The following IAPP variants were observed in gnomAD, a reference collection of about 807,000 sequenced individuals.
The protein encoded by IAPP is Islet amyloid polypeptide (diabetes-associated peptide; amylin).
Under a neutral mutation model 2.9 loss-of-function variants are expected in IAPP, and 4 were observed. The observed-to-expected ratio is 1.39, with a 90% CI of 0.69 to 3.19. The LOEUF (loss-of-function observed/expected upper bound fraction) is 3.19. Among genes scored for constraint, IAPP ranks in the 30% most tolerant of loss-of-function variants. The pLI, the probability that IAPP is intolerant of heterozygous loss-of-function variation, is 0.01. For missense variants in IAPP, 114 were observed against 105.3 expected (o/e 1.08, Z -0.36); for synonymous variants, 40 against 42.1 (o/e 0.95, Z 0.19).
intron 1 of IAPP, 99 bp from the exon 2 acceptor site, chr12:21,373,237 TA>T (rs1939929093): frequency 2.6e-6 from 2 of 778,896 alleles, no homozygotes; most frequent in Non-Finnish European, 2.2e-6. Context: ...AATTACGTTT[TA>T]AAAAGATGTT....
At position 21,379,632 on chromosome 12, in the gene IAPP, A is replaced by C. The variant is rs1940460415; in HGVS notation, c.*1206A>C. ...TGCTTTGAGTCAGATTCTTATGAAT[A>C]TCTGCTTTTCCCTGACTTTGAGTTA... is the stretch of plus-strand genomic sequence containing the variant. On this transcript the variant is annotated 3_prime_UTR_variant, in exon 3 of 3. Transcript: ENST00000240652. The C allele has an allele frequency of 6.6e-6, 1 of 152,224 alleles. No homozygotes were observed. Among genetic ancestry groups the C allele is most frequent in the Non-Finnish European group, 1.5e-5 (1 of 68,042 alleles). The allele number at this position is 152,224 out of a possible 1,614,324, so 9.4% of individuals were successfully genotyped here.
At chr12:21,377,295 G>C (rs989474502) in intron 2 of IAPP, among the ~76,000 whole-genome samples, 8 of 152,132 alleles carry the variant, frequency 5.3e-5, no homozygotes, top group African/African-American at 1.9e-4. Context: ...CACTGCAATA[G>C]AGTACCTGAA....
At chr12:21,365,801 C>A (rs1355095092) in intron 1 of IAPP, among the ~76,000 whole-genome samples, 3 of 152,150 alleles carry the variant, frequency 2.0e-5, no homozygotes, top group Non-Finnish European at 2.9e-5. Context: ...TGAAAAAATG[C>A]TCATCATCAC....
upstream of IAPP, among the ~76,000 whole-genome samples, chr12:21,371,033 T>C (rs1031256272): frequency 3.3e-5 from 5 of 152,246 alleles, no homozygotes; most frequent in East Asian, 1.9e-4. Flanking sequence ...CTAACCCATA[T>C]GCAGAGAGTA....
intron 2 of IAPP, 199 bp downstream of exon 2, chr12:21,373,630 A>G: frequency 1.4e-6 from 1 of 700,134 alleles, no homozygotes; most frequent in Non-Finnish European, 2.6e-6. Context: ...TCTTTGATGG[A>G]ACTTCTGACA....
At chr12:21,370,436 G>A (rs914264558), upstream of IAPP, among the ~76,000 whole-genome samples, 14 of 150,564 alleles carry the variant, frequency 9.3e-5, no homozygotes, top group South Asian at 2.1e-4. Context: ...CCATCAACTC[G>A]TCATTTAACA....
At chr12:21,360,312 T>G (rs1938732201) in intron 1 of IAPP, among the ~76,000 whole-genome samples, 2 of 152,246 alleles carry the variant, frequency 1.3e-5, no homozygotes. Context: ...GTTTATTGAA[T>G]TTTGATAATC....
At chr12:21,360,748 C>T (rs77434866) in intron 1 of IAPP, among the ~76,000 whole-genome samples, 1 of 152,230 alleles carries the variant, frequency 6.6e-6, no homozygotes, top group Non-Finnish European at 1.5e-5. Context: ...TATCCCGCGG[C>T]TGGCTTGGAG....
chr12:21,364,880 C>T lies in IAPP; in HGVS notation c.-15-8457C>T, dbSNP rs539420278. 6.6e-5 allele frequency among the ~76,000 whole-genome samples: 10 copies of T among 152,224 alleles called. No homozygotes were observed. The South Asian group carries it at 2.1e-3, about 32-fold the overall frequency. ...CTTCAAGGAGAACTACAAACCACTGCTCAGCAAAATAAAACAGGACACAAA... is the reference window on the plus strand; with the variant it reads ...CTTCAAGGAGAACTACAAACCACTGTTCAGCAAAATAAAACAGGACACAAA... On this transcript the variant is annotated intron_variant, in intron 1 of 2. Transcript: ENST00000539393.
chr12:21,359,123 A>G (rs1011237867), intron 1 of IAPP, among the ~76,000 whole-genome samples: 1 of 152,200 alleles, frequency 6.6e-6, no homozygotes, highest in Non-Finnish European at 1.5e-5. Flanking sequence ...GCCATGGGAT[A>G]AGACTAAAAA....
At chr12:21,371,117 G>A (rs929200460), upstream of IAPP, among the ~76,000 whole-genome samples, 16 of 152,262 alleles carry the variant, frequency 1.1e-4, no homozygotes, top group Admixed American at 2.6e-4. Flanking sequence ...TGGTTTATGC[G>A]GAAATTTCAA....
intron 1 of IAPP, among the ~76,000 whole-genome samples, chr12:21,366,691 C>G (rs2045941): frequency 0.32 from 49,033 of 151,682 alleles, 8,230 homozygotes; most frequent in East Asian, 0.46. Flanking sequence ...TCAGAGATAA[C>G]GATGGATATT....
chr12:21,371,711 CA>C (rs1284043430), upstream of IAPP, among the ~76,000 whole-genome samples: 1 of 151,812 alleles, frequency 6.6e-6, no homozygotes, highest in Non-Finnish European at 1.5e-5. Flanking sequence ...TTTAGAAATA[CA>C]AAAAAAGAGG....
intron 1 of IAPP, among the ~76,000 whole-genome samples, chr12:21,363,586 C>A (rs1419426919): frequency 1.3e-5 from 2 of 152,024 alleles, no homozygotes; most frequent in African/African-American, 4.8e-5. Flanking sequence ...AAAAACCCTT[C>A]AAAAAATAAA....
chr12:21,372,672 A>C (rs7137767), upstream of IAPP, among the ~76,000 whole-genome samples: 67,339 of 152,090 alleles, frequency 0.44, 15,123 homozygotes, highest in Middle Eastern at 0.51. Context: ...GGCAAATTCA[A>C]ACTTCTGCTG....
At chr12:21,356,659 T>C (rs994319465) in intron 1 of IAPP, among the ~76,000 whole-genome samples, 4 of 152,278 alleles carry the variant, frequency 2.6e-5, no homozygotes, top group Admixed American at 2.6e-4. Flanking sequence ...GTGTTATACA[T>C]TTCTATGCAC....
chr12:21,362,018 A>G (rs2137051139), intron 1 of IAPP, among the ~76,000 whole-genome samples: 1 of 152,326 alleles, frequency 6.6e-6, no homozygotes, highest in East Asian at 1.9e-4. Context: ...GGGAAGGCCA[A>G]CATTCAAATT....
rs187736389 is a variant in IAPP, at chr12:21,365,032, A to G, written c.-15-8305A>G. ...AGCTACCAATGACTTTCTTCACAGA[A>G]TTGGAAAAAACTACTTTAAAGTTCA... On this transcript the variant is annotated intron_variant, in intron 1 of 2. Coordinates refer to the IAPP transcript ENST00000539393. Among the ~76,000 whole-genome samples, 55 of 152,332 alleles carry G rather than the reference A, an allele frequency of 3.6e-4. 1 individual carries two copies. The East Asian group carries it at 8.3e-3, about 23-fold the overall frequency.
chr12:21,370,326 C>T (rs1446886660), upstream of IAPP, among the ~76,000 whole-genome samples: 1 of 147,670 alleles, frequency 6.8e-6, no homozygotes, highest in Admixed American at 6.7e-5. Flanking sequence ...CCAGGTCTTC[C>T]TTTTCTTTTT....
Sources: allele counts gnomAD v4.1 joint callset (sites outside exome capture counted in the v4.1 genomes callset), GRCh38; gene constraint gnomAD v4.1.1; transcripts MANE v1.5; gene names NCBI Gene and HGNC (gene_info 2026-07-23, HGNC 2026-07-21).